The following SETX variants were observed in gnomAD, a reference collection of about 807,000 sequenced individuals.
SETX encodes helicase senataxin.
SETX carries 90 observed loss-of-function variants against 227.2 expected under a neutral mutation model. That is an observed-to-expected ratio of 0.40 (90% CI 0.33 to 0.47). The LOEUF is 0.47. Ranked by LOEUF, SETX falls within the 20% of genes least tolerant of loss-of-function variation. SETX has a pLI of 0.91. For synonymous variants in SETX, 1,210 were observed against 1,113.2 expected (o/e 1.09, Z -1.73); for missense variants, 3,052 against 3,181.5 (o/e 0.96, Z 0.98).
intron 11 of SETX, among the ~76,000 whole-genome samples, chr9:132,303,504 A>G (rs1018742039): frequency 6.6e-6 from 1 of 151,880 alleles, no homozygotes; most frequent in African/African-American, 2.4e-5. Flanking sequence ...GGATACAAAA[A>G]GCATTTTGAT....
At chr9:132,284,931 T>C (rs113928602) in intron 18 of SETX, among the ~76,000 whole-genome samples, 2 of 151,056 alleles carry the variant, frequency 1.3e-5, no homozygotes, top group African/African-American at 2.4e-5. Flanking sequence ...CAGGCTGGAG[T>C]GCAGTGGCGC....
rs1846159325 is a variant in SETX at position 132,318,861 on chromosome 9, C to A, written c.5275-7005G>T. Reference sequence around the variant, plus strand: ...AAAAAGGGGGAAAACCTAAGAAATTCTTTTCTACTTTAATTCCCATCTATA... The same window carrying A: ...AAAAAGGGGGAAAACCTAAGAAATTATTTTCTACTTTAATTCCCATCTATA... On this transcript the variant is annotated intron_variant, in intron 10 of 25. Coordinates refer to ENST00000224140, the MANE Select transcript of SETX (RefSeq NM_015046.7). Among the ~76,000 whole-genome samples, 13 of 152,246 alleles carry A rather than the reference C, an allele frequency of 8.5e-5. No homozygotes were observed. In the South Asian group the frequency reaches 2.7e-3, roughly 32 times the overall value.
intron 2 of SETX, among the ~76,000 whole-genome samples, chr9:132,351,353 T>C (rs1038563230): frequency 6.6e-6 from 1 of 152,206 alleles, no homozygotes; most frequent in Non-Finnish European, 1.5e-5. Flanking sequence ...CCCACTTACC[T>C]TACTTGAAGC....
intron 10 of SETX, among the ~76,000 whole-genome samples, chr9:132,318,141 C>A (rs536766748): frequency 1.3e-5 from 2 of 152,276 alleles, no homozygotes; most frequent in African/African-American, 4.8e-5. Context: ...TCAGTTGTAT[C>A]CACATACTAT....
chr9:132,325,894 T>C (rs1294277565), intron 10 of SETX, among the ~76,000 whole-genome samples: 3 of 143,614 alleles, frequency 2.1e-5, no homozygotes, highest in South Asian at 2.3e-4. Context: ...GATCGCACCA[T>C]TGCACTCCAG....
chr9:132,344,281 A>G lies in SETX; in HGVS notation c.389-1482T>C, dbSNP rs1848165704. 2.0e-5 allele frequency among the ~76,000 whole-genome samples: 3 copies of G among 152,134 alleles called. 1 individual carries two copies. Among genetic ancestry groups the G allele is most frequent in the Admixed American group, 2.0e-4 (3 of 15,272 alleles). ...CAGAATGAAGTACAGTGGTGTGCTC[A>G]TGGCTCACCTCAGGCTCAACCTCCT... On this transcript the variant is annotated intron_variant, in intron 4 of 25. Transcript: ENST00000224140.
chr9:132,337,021 C>G (rs919752392), intron 5 of SETX, among the ~76,000 whole-genome samples: 1 of 151,998 alleles, frequency 6.6e-6, no homozygotes, highest in African/African-American at 2.4e-5. Context: ...AGCCAAGATC[C>G]TACCACTGCA....
At chr9:132,322,607 C>T (rs1393305355) in intron 10 of SETX, among the ~76,000 whole-genome samples, 2 of 152,146 alleles carry the variant, frequency 1.3e-5, no homozygotes, top group African/African-American at 4.8e-5. Flanking sequence ...ACCTGTTTAT[C>T]CATTCATCAA....
chr9:132,325,130 G>A (rs954960673), intron 10 of SETX, among the ~76,000 whole-genome samples: 6 of 152,156 alleles, frequency 3.9e-5, no homozygotes, highest in African/African-American at 1.4e-4. Context: ...GCCAAGGCGG[G>A]CAGATCACAA....
rs757006541 is a variant in SETX at position 132,275,384 on chromosome 9, C to T, written c.6972G>A (p.Met2324Ile). 2.5e-6 allele frequency: 4 copies of T among 1,605,160 alleles called. No individual in the cohort carries two copies. The East Asian group carries it at 8.9e-5, about 36-fold the overall frequency. ...TGTCTTTAATAAGCTTAATTATTTC[C>T]ATCACCAGTTTTATTTCTTGAACAT... The part of the protein sequence containing the change: ...YINVQEIKLV[M>I]EIIKLIKDKR... The change falls in exon 23 of 26, where the codon ATG (methionine) becomes ATA (isoleucine). Residue 2324 changes from methionine (M) to isoleucine (I), a missense_variant. Met to Ile is a conservative substitution (Grantham distance 10). This residue lies in a region of SETX where 412 missense variants were observed against 589.0 expected (regional missense o/e 0.70). Transcript: ENST00000224140.
chr9:132,328,338 G>A lies in SETX; in HGVS notation c.3260C>T (p.Ser1087Phe), dbSNP rs139559547. Residue 1087 changes from serine (S) to phenylalanine (F), a missense_variant, in exon 10 of 26, where the codon TCT (serine) becomes TTT (phenylalanine). Ser to Phe is a radical substitution (Grantham distance 155). This residue lies in a region of SETX where 1,483 missense variants were observed against 1,312.0 expected (regional missense o/e 1.13). Coordinates refer to ENST00000224140, the MANE Select transcript of SETX (RefSeq NM_015046.7). The stretch of plus-strand genomic sequence containing the variant: ...ATCTTGCCAAACTGAAAACACTTCA[G>A]ATGAACTTTCAAACTCAAAACACTG... ...DSQCFEFESS[S>F]EVFSVWQDHP... 66 of 1,613,922 alleles carry A rather than the reference G, an allele frequency of 4.1e-5. No individual in the cohort carries two copies. The highest frequency in any genetic ancestry group is 5.3e-5 in the Non-Finnish European group (63 of 1,180,024).
chr9:132,298,221 G>T lies in SETX; in HGVS notation c.5640C>A (p.Ile1880=). The change falls in exon 13 of 26, where the codon ATC becomes ATA. Residue 1880 remains isoleucine, a synonymous_variant. Coordinates refer to ENST00000224140, the MANE Select transcript of SETX (RefSeq NM_015046.7). The part of the protein sequence containing the change: ...NLNELVNCIV[I]SSLVTTQRKL... ...TCCTTTGTGTAGTTACCAGAGAACT[G>T]ATTACAATACAATTCACAAGTTCGT... 6.2e-7 allele frequency: 1 copy of T among 1,614,048 alleles called. No individual in the cohort carries two copies. The highest frequency in any genetic ancestry group is 1.1e-5 in the South Asian group (1 of 91,082).
chr9:132,290,193 G>A (rs1844204985), intron 15 of SETX, among the ~76,000 whole-genome samples: 1 of 152,134 alleles, frequency 6.6e-6, no homozygotes, highest in African/African-American at 2.4e-5. Flanking sequence ...CTGGGTGACA[G>A]AGCAAGACTC....
At chr9:132,307,611 A>G (rs1451017798) in intron 11 of SETX, among the ~76,000 whole-genome samples, 3 of 152,174 alleles carry the variant, frequency 2.0e-5, no homozygotes. Flanking sequence ...CTGAAACACA[A>G]GCACACCAAT....
In SETX at chr9:132,334,596, A is replaced by G. The variant is rs761952594; in HGVS notation, c.838+12T>C. The G allele has an allele frequency of 6.2e-7, 1 of 1,613,944 alleles. No individual in the cohort carries two copies. ...CTATATTCAACAACATTCAGCAAGT[A>G]AAGTTTATTACCATCTGCTTCCCTC... On this transcript the variant is annotated intron_variant, in intron 7 of 25. Coordinates refer to ENST00000224140, the MANE Select transcript of SETX (RefSeq NM_015046.7).
At position 132,262,698 on chromosome 9, in the gene SETX, T is replaced by C. The variant is rs918845854; in HGVS notation, c.*1541A>G. 3 of 152,636 alleles carry C rather than the reference T, an allele frequency of 2.0e-5. No homozygotes were observed. Among genetic ancestry groups the C allele is most frequent in the African/African-American group, 7.2e-5 (3 of 41,450 alleles). 9.5% of individuals were successfully genotyped at this position (152,636 alleles called of 1,614,324 possible). A position where few individuals can be genotyped will look rare whatever the true frequency, so the allele number is the denominator to read the frequency against. On this transcript the variant is annotated 3_prime_UTR_variant, in exon 26 of 26. Coordinates refer to ENST00000224140, the MANE Select transcript of SETX (RefSeq NM_015046.7). ...GTAATGAAATCAAATGCTCAAACTT[T>C]TGGCAACCGAAAGTTGTTTTTTAAA...
intron 10 of SETX, among the ~76,000 whole-genome samples, chr9:132,323,981 G>A (rs7849648): frequency 0.14 from 21,965 of 152,034 alleles, 2,276 homozygotes; most frequent in East Asian, 0.43. Flanking sequence ...GTTACTTGAG[G>A]GGATGAGGGG....
Position 132,264,166 on chromosome 9 carries a change from T to TA in SETX, c.*72dup. 1 of 1,602,930 alleles carries TA rather than the reference T, an allele frequency of 6.2e-7. No individual in the cohort carries two copies. The highest frequency in any genetic ancestry group is 8.5e-7 in the Non-Finnish European group (1 of 1,175,780). ...ACTCCTTACAAAAAACAAGCTTATC[T>TA]AGATGGTCCCACGAGCTGGTCATCT... On this transcript the variant is annotated 3_prime_UTR_variant, in exon 26 of 26. Transcript: ENST00000224140.
intron 7 of SETX, among the ~76,000 whole-genome samples, chr9:132,332,511 T>C (rs765319665): frequency 2.0e-5 from 3 of 152,236 alleles, no homozygotes; most frequent in Non-Finnish European, 2.9e-5. Flanking sequence ...AACTTTCTTA[T>C]ATATGTTTGT....
Sources: allele counts gnomAD v4.1 joint callset (sites outside exome capture counted in the v4.1 genomes callset), GRCh38; gene constraint gnomAD v4.1.1; regional missense constraint gnomAD v4.1.1; transcripts MANE v1.5; gene names NCBI Gene and HGNC (gene_info 2026-07-23, HGNC 2026-07-21).